FAT3: variants seen among roughly 807,000 people sequenced by gnomAD.
FAT3 encodes the protein FAT atypical cadherin 3.
Under a neutral mutation model 310.2 loss-of-function variants are expected in FAT3, and 95 were observed. The ratio of observed to expected loss-of-function variants is 0.31; its 90% confidence interval spans 0.26 to 0.36. The LOEUF is 0.36. Among genes scored for constraint, FAT3 ranks in the 10% least tolerant of loss-of-function variants. The probability of loss-of-function intolerance (pLI) is 1.00; values close to 1 mark genes in which losing one functional copy is unlikely to be tolerated. For synonymous variants in FAT3, 2,314 were observed against 2,192.9 expected (o/e 1.06, Z -1.54); for missense variants, 5,408 against 5,715.6 (o/e 0.95, Z 1.74).
intron 1 of FAT3, among the ~76,000 whole-genome samples, chr11:92,244,791 G>C (rs1864829707): frequency 6.6e-6 from 1 of 152,000 alleles, no homozygotes; most frequent in South Asian, 2.1e-4. Flanking sequence ...GTGATGATGA[G>C]CATCATCTCA....
chr11:92,425,555 G>T (rs1950614478), intron 2 of FAT3, among the ~76,000 whole-genome samples: 1 of 151,774 alleles, frequency 6.6e-6, no homozygotes, highest in South Asian at 2.1e-4. Context: ...CCCCCAACAG[G>T]CTCCAGTGTA....
chr11:92,489,449 T>A (rs1952535313), intron 2 of FAT3, among the ~76,000 whole-genome samples: 1 of 152,094 alleles, frequency 6.6e-6, no homozygotes, highest in Non-Finnish European at 1.5e-5. Flanking sequence ...CACTCAATTG[T>A]GGTGAGATCT....
At chr11:92,784,388 A>G (rs1946833681) in intron 7 of FAT3, among the ~76,000 whole-genome samples, 1 of 152,212 alleles carries the variant, frequency 6.6e-6, no homozygotes, top group Non-Finnish European at 1.5e-5. Flanking sequence ...GGCAGAAGAG[A>G]ATTTCAGTAA....
At chr11:92,657,185 C>A (rs1391429325) in intron 3 of FAT3, among the ~76,000 whole-genome samples, 3 of 152,144 alleles carry the variant, frequency 2.0e-5, no homozygotes. Flanking sequence ...AAGACCCCAA[C>A]CCCAACCCCA....
At chr11:92,552,017 C>T (rs1465732361) in intron 3 of FAT3, among the ~76,000 whole-genome samples, 1 of 152,188 alleles carries the variant, frequency 6.6e-6, no homozygotes, top group Non-Finnish European at 1.5e-5. Context: ...TAACCACAGA[C>T]ATCTATGTAG....
intron 4 of FAT3, among the ~76,000 whole-genome samples, chr11:92,753,991 G>A (rs1346514253): frequency 6.6e-6 from 1 of 151,862 alleles, no homozygotes; most frequent in Non-Finnish European, 1.5e-5. Context: ...GGACTTGGGG[G>A]AAGGTGGAGG....
chr11:92,328,377 C>G (rs1485670641), intron 1 of FAT3, among the ~76,000 whole-genome samples: 1 of 152,196 alleles, frequency 6.6e-6, no homozygotes, highest in Non-Finnish European at 1.5e-5. Context: ...GAAATATACA[C>G]AGGAGATAAG....
chr11:92,742,074 T>G (rs1591671352), intron 4 of FAT3, among the ~76,000 whole-genome samples: 1 of 152,340 alleles, frequency 6.6e-6, no homozygotes, highest in Middle Eastern at 3.4e-3. Flanking sequence ...ATGTGCTGGA[T>G]GCTGCCAGTA....
intron 1 of FAT3, among the ~76,000 whole-genome samples, chr11:92,311,937 C>T (rs61426628): frequency 0.027 from 4,053 of 152,130 alleles, 195 homozygotes; most frequent in African/African-American, 0.092. Flanking sequence ...AAACCTTAAA[C>T]ATTTCCCCTT....
chr11:92,527,885 T>G (rs1046555756), intron 3 of FAT3, among the ~76,000 whole-genome samples: 2 of 152,212 alleles, frequency 1.3e-5, no homozygotes, highest in Admixed American at 1.3e-4. Flanking sequence ...ACCAGTATAT[T>G]TAGGAAAGAT....
At chr11:92,605,915 G>A (rs11020024) in intron 3 of FAT3, among the ~76,000 whole-genome samples, 1 of 152,024 alleles carries the variant, frequency 6.6e-6, no homozygotes. Context: ...TCTGATTTCA[G>A]AATGGGTGAC....
At chr11:92,443,026 A>C (rs1951113848) in intron 2 of FAT3, among the ~76,000 whole-genome samples, 1 of 152,190 alleles carries the variant, frequency 6.6e-6, no homozygotes, top group East Asian at 1.9e-4. Flanking sequence ...CTACCTGACA[A>C]ATGCTGATTT....
chr11:92,229,514 GT>G (rs1241053262), intron 1 of FAT3, among the ~76,000 whole-genome samples: 1 of 59,310 alleles, frequency 1.7e-5, no homozygotes, highest in Non-Finnish European at 3.0e-5. Context: ...TTTGTTTTTT[GT>G]TTTTTTTTAC....
chr11:92,482,329 C>G lies in FAT3; in HGVS notation c.3293-42305C>G, dbSNP rs544150046. Among the ~76,000 whole-genome samples, 7 of 152,186 alleles carry G rather than the reference C, an allele frequency of 4.6e-5. No individual in the cohort carries two copies. In the East Asian group the frequency reaches 1.4e-3, roughly 29 times the overall value. On this transcript the variant is annotated intron_variant, in intron 2 of 27. Coordinates refer to ENST00000525166, the MANE Select transcript of FAT3 (RefSeq NM_001367949.2). Reference sequence around the variant, plus strand: ...TAGATTTAATAGTAATAGCAGTAGCCATTGGTAACTCTTGGGTCCTTATCA... The same window carrying G: ...TAGATTTAATAGTAATAGCAGTAGCGATTGGTAACTCTTGGGTCCTTATCA...
At chr11:92,451,486 C>T (rs117103668) in intron 2 of FAT3, among the ~76,000 whole-genome samples, 4 of 152,134 alleles carry the variant, frequency 2.6e-5, no homozygotes, top group Non-Finnish European at 4.4e-5. Flanking sequence ...GTTTGATATG[C>T]GTAATTAACA....
At chr11:92,335,576 T>C (rs1948048739) in intron 1 of FAT3, among the ~76,000 whole-genome samples, 1 of 152,174 alleles carries the variant, frequency 6.6e-6, no homozygotes, top group Admixed American at 6.5e-5. Flanking sequence ...AGAAGGCTTA[T>C]TTAGAAACAT....
Position 92,574,262 on chromosome 11 carries a change from C to G in FAT3, c.3607+49314C>G, listed in dbSNP as rs541170398. ...GCAACAGCTTCAGGAAATAAAAATCCCACCTTAAACTCCCCAACCCCACAC... is the reference window on the plus strand; with the variant it reads ...GCAACAGCTTCAGGAAATAAAAATCGCACCTTAAACTCCCCAACCCCACAC... On this transcript the variant is annotated intron_variant, in intron 3 of 27. Coordinates refer to ENST00000525166, the MANE Select transcript of FAT3 (RefSeq NM_001367949.2). Among the ~76,000 whole-genome samples the G allele has an allele frequency of 1.9e-4, 29 of 152,138 alleles. No homozygotes were observed. In the South Asian group the frequency reaches 4.2e-3, roughly 22 times the overall value.
chr11:92,798,756 C>A lies in FAT3; in HGVS notation c.5743C>A (p.Pro1915Thr). The A allele has an allele frequency of 6.2e-7, 1 of 1,613,738 alleles. No homozygotes were observed. The highest frequency in any genetic ancestry group is 8.5e-7 in the Non-Finnish European group (1 of 1,179,802). The change falls in exon 10 of 28, where the codon CCC becomes ACC. Residue 1915 changes from proline (P) to threonine (T), a missense_variant. Physicochemically the swap from Pro to Thr is conservative, Grantham distance 38. Transcript: ENST00000525166. ...TGCCACAGATCCTGACTCTGAGGTA[C>A]CCCCTGAACTGACATACAGCCTAAT... ...VSATDPDSEV[P>T]PELTYSLMEG...
chr11:92,619,945 T>C (rs890356589), intron 3 of FAT3, among the ~76,000 whole-genome samples: 7 of 152,166 alleles, frequency 4.6e-5, no homozygotes, highest in African/African-American at 7.2e-5. Context: ...TAATACATTT[T>C]ATAAATTTAT....
Sources: gnomAD v4.1 joint callset for allele counts (sites outside exome capture counted in the v4.1 genomes callset) on GRCh38, gnomAD v4.1.1 for gene constraint, MANE v1.5 for transcripts, NCBI Gene and HGNC (gene_info 2026-07-23, HGNC 2026-07-21) for gene names.